PRR16: variants seen among roughly 807,000 people sequenced by gnomAD.
PRR16 encodes the protein proline rich 16.
Under a neutral mutation model 18.2 loss-of-function variants are expected in PRR16, and 6 were observed. That is an observed-to-expected ratio of 0.33 (90% CI 0.18 to 0.65). PRR16 has a LOEUF of 0.65. Ranked by LOEUF, PRR16 falls within the 30% of genes least tolerant of loss-of-function variation. The pLI, the probability that PRR16 is intolerant of heterozygous loss-of-function variation, is 0.74. For synonymous variants in PRR16, 151 were observed against 147.8 expected (o/e 1.02, Z -0.16); for missense variants, 412 against 376.6 (o/e 1.09, Z -0.78).
chr5:120,541,972 A>G (rs1394929536), intron 1 of PRR16, among the ~76,000 whole-genome samples: 1 of 152,016 alleles, frequency 6.6e-6, no homozygotes, highest in Admixed American at 6.6e-5. Flanking sequence ...GCCACAGATT[A>G]AAAATAAGCA....
chr5:120,640,437 C>G (rs1196884564), intron 1 of PRR16, among the ~76,000 whole-genome samples: 1 of 152,118 alleles, frequency 6.6e-6, no homozygotes, highest in Non-Finnish European at 1.5e-5. Context: ...ACATGAGCCA[C>G]GCACACATAA....
rs1750048683 is a variant in PRR16, at chr5:120,491,545, C to G, written c.159+26900C>G. On this transcript the variant is annotated intron_variant, in intron 1 of 1. Coordinates refer to ENST00000407149, the MANE Select transcript of PRR16 (RefSeq NM_001300783.2). ...TGTCTCTCTTTTTCTCTCTTTCTCT[C>G]TTTTTCTCTTCCTTACATGATGGAG... is the stretch of plus-strand genomic sequence containing the variant. 2.0e-5 allele frequency among the ~76,000 whole-genome samples: 3 copies of G among 148,404 alleles called. No homozygotes were observed. The Admixed American group carries it at 2.1e-4, about 10-fold the overall frequency.
chr5:120,768,404 C>T, the PRR16 span, among the ~76,000 whole-genome samples: 3 of 140,600 alleles, frequency 2.1e-5, no homozygotes, highest in African/African-American at 7.4e-5. Flanking sequence ...GTATTTTAAG[C>T]AATGATTTTT....
intron 1 of PRR16, among the ~76,000 whole-genome samples, chr5:120,492,476 G>T (rs1488658948): frequency 6.6e-6 from 1 of 151,728 alleles, no homozygotes; most frequent in Admixed American, 6.6e-5. Context: ...AACTATTACT[G>T]GTTTTTGCTT....
intron 1 of PRR16, among the ~76,000 whole-genome samples, chr5:120,484,338 A>T (rs1403617990): frequency 3.2e-5 from 3 of 94,010 alleles, no homozygotes; most frequent in Non-Finnish European, 4.1e-5. Context: ...ATAAATGTAT[A>T]TACTTTGTAT....
intron 1 of PRR16, among the ~76,000 whole-genome samples, chr5:120,509,775 T>C (rs1411939558): frequency 6.6e-6 from 1 of 152,168 alleles, no homozygotes; most frequent in Non-Finnish European, 1.5e-5. Flanking sequence ...AGGCAATTCA[T>C]TTTTTTAATC....
the PRR16 span, among the ~76,000 whole-genome samples, chr5:120,775,632 C>CTT: frequency 8.5e-3 from 1,173 of 137,552 alleles, 5 homozygotes; most frequent in Non-Finnish European, 0.012. Flanking sequence ...TTTCTTTCTC[C>CTT]TTTTTTTTTT....
intron 1 of PRR16, among the ~76,000 whole-genome samples, chr5:120,654,375 A>C (rs1026355317): frequency 6.6e-6 from 1 of 151,996 alleles, no homozygotes; most frequent in Non-Finnish European, 1.5e-5. Context: ...TTGCATAGGA[A>C]ACTAGATAAT....
rs76417633 is a variant in PRR16 at position 120,663,835 on chromosome 5, A to G, written c.160-22119A>G. ...AGCAATAAAACAACTTGTAATAGAA[A>G]GTTCCTCAGTGACATGCAATGAGAC... On this transcript the variant is annotated intron_variant, in intron 1 of 1. Coordinates refer to ENST00000407149, the MANE Select transcript of PRR16 (RefSeq NM_001300783.2). Among the ~76,000 whole-genome samples the G allele has an allele frequency of 5.1e-3, 780 of 152,300 alleles. 1 individual carries two copies. The highest frequency in any genetic ancestry group is 0.018 in the African/African-American group (747 of 41,580).
chr5:120,789,733 A>T, the PRR16 span, among the ~76,000 whole-genome samples: 2 of 152,114 alleles, frequency 1.3e-5, no homozygotes, highest in African/African-American at 4.8e-5. Flanking sequence ...ACTGTACTTA[A>T]ATTTTGATAA....
intron 1 of PRR16, among the ~76,000 whole-genome samples, chr5:120,511,259 C>A (rs560324016): frequency 1.3e-5 from 2 of 152,272 alleles, no homozygotes; most frequent in South Asian, 2.1e-4. Context: ...TAACTTAATT[C>A]ATGCAAATAA....
intron 1 of PRR16, among the ~76,000 whole-genome samples, chr5:120,556,183 C>G (rs1009086316): frequency 7.3e-5 from 11 of 150,782 alleles, no homozygotes; most frequent in Admixed American, 6.0e-4. Context: ...CGCCTATTCT[C>G]CAATTACCAG....
At chr5:120,675,697 A>G (rs944720234) in intron 1 of PRR16, among the ~76,000 whole-genome samples, 2 of 152,124 alleles carry the variant, frequency 1.3e-5, no homozygotes, top group African/African-American at 4.8e-5. Context: ...TCTCATTTAA[A>G]CTAGAAACTT....
At chr5:120,658,375 C>A (rs1028688589) in intron 1 of PRR16, 1 of 149,864 alleles carries the variant, frequency 6.7e-6, no homozygotes, top group African/African-American at 2.4e-5. Flanking sequence ...GCTCTGAATT[C>A]TCTTGTTCTT....
At chr5:120,531,347 C>G (rs1751544682) in intron 1 of PRR16, 1 of 152,058 alleles carries the variant, frequency 6.6e-6, no homozygotes. Context: ...GGGGGAGTAG[C>G]TCAGATCTAT....
the PRR16 span, among the ~76,000 whole-genome samples, chr5:120,786,139 T>C: frequency 2.0e-5 from 3 of 151,832 alleles, no homozygotes; most frequent in African/African-American, 7.2e-5. Flanking sequence ...ATGTTGAATT[T>C]TATTGTTTTA....
intron 1 of PRR16, among the ~76,000 whole-genome samples, chr5:120,553,826 T>C (rs1561543418): frequency 6.6e-6 from 1 of 151,814 alleles, no homozygotes; most frequent in Admixed American, 6.6e-5. Flanking sequence ...GAAAAAAACA[T>C]ACTCAGATTA....
intron 1 of PRR16, among the ~76,000 whole-genome samples, chr5:120,629,068 T>A (rs948592645): frequency 1.3e-5 from 2 of 152,030 alleles, no homozygotes; most frequent in African/African-American, 4.8e-5. Flanking sequence ...CAGTGTCTGT[T>A]GTTCCTTCCT....
intron 1 of PRR16, among the ~76,000 whole-genome samples, chr5:120,624,936 G>GCT (rs1381880931): frequency 1.3e-5 from 2 of 152,228 alleles, no homozygotes; most frequent in East Asian, 3.9e-4. Flanking sequence ...CCCTGCGCAA[G>GCT]CTCTCTTCCC....
Sources: gnomAD v4.1 joint callset for allele counts (sites outside exome capture counted in the v4.1 genomes callset) on GRCh38, gnomAD v4.1.1 for gene constraint, MANE v1.5 for transcripts, NCBI Gene and HGNC (gene_info 2026-07-23, HGNC 2026-07-21) for gene names.